The following LDLRAD2 variants were observed in gnomAD, a reference collection of about 807,000 sequenced individuals.
The protein encoded by LDLRAD2 is low-density lipoprotein receptor class A domain-containing protein 2.
Under a neutral mutation model 24.9 loss-of-function variants are expected in LDLRAD2, and 25 were observed. That is an observed-to-expected ratio of 1.00 (90% CI 0.73 to 1.40). LDLRAD2 has a LOEUF of 1.40. Among genes scored for constraint, LDLRAD2 ranks in the 40% most tolerant of loss-of-function variants. The pLI, the probability that LDLRAD2 is intolerant of heterozygous loss-of-function variation, is 0.00. For missense variants in LDLRAD2, 391 were observed against 366.2 expected (o/e 1.07, Z -0.55); for synonymous variants, 182 against 166.7 (o/e 1.09, Z -0.71).
chr1:21,816,969 G>T (rs894522877), intron 3 of LDLRAD2, among the ~76,000 whole-genome samples: 1 of 152,108 alleles, frequency 6.6e-6, no homozygotes, highest in Non-Finnish European at 1.5e-5. Flanking sequence ...ATGTATAGGC[G>T]AAATCTCAAA....
In LDLRAD2 at chr1:21,823,349, C is replaced by A. The variant is rs1407288241; in HGVS notation, c.*1134C>A. ...GGCAGGGGCGTGTGTTGGCCCCGGC[C>A]TGGGCGCGGTGCTGCAGGTCCAGGG... On this transcript the variant is annotated 3_prime_UTR_variant, in exon 5 of 5. Coordinates refer to ENST00000344642, the MANE Select transcript of LDLRAD2 (RefSeq NM_001013693.3). 2.6e-6 allele frequency: 4 copies of A among 1,543,798 alleles called. No individual in the cohort carries two copies. In the East Asian group the frequency reaches 9.7e-5, roughly 37 times the overall value.
intron 3 of LDLRAD2, among the ~76,000 whole-genome samples, chr1:21,819,831 C>G (rs1453449532): frequency 6.6e-6 from 1 of 152,162 alleles, no homozygotes; most frequent in Non-Finnish European, 1.5e-5. Flanking sequence ...AATTATCTCA[C>G]AGTTCTGCAG....
In LDLRAD2 at chr1:21,814,801, C is replaced by A. The variant is rs1178234756; in HGVS notation, c.489C>A (p.Gly163=). 6 of 1,475,872 alleles carry A rather than the reference C, an allele frequency of 4.1e-6. No individual in the cohort carries two copies. In the East Asian group the frequency reaches 1.5e-4, roughly 36 times the overall value. 91.4% of individuals were successfully genotyped at this position (1,475,872 alleles called of 1,614,324 possible). A position where few individuals can be genotyped will look rare whatever the true frequency, so the allele number is the denominator to read the frequency against. ...RGRQPRVDFV[G]EVTSFRLGPC... is the part of the protein sequence containing the mutation. ...GCCAGCCCCGCGTGGACTTCGTGGG[C>A]GAAGTCACCTCTTTCCGTCTGGGTG... Residue 163 remains glycine (G), a synonymous_variant, in exon 2 of 5, where the codon GGC becomes GGA. Coordinates refer to ENST00000344642, the MANE Select transcript of LDLRAD2 (RefSeq NM_001013693.3).
rs768796447 is a variant in LDLRAD2, at chr1:21,814,382, G to T, written c.86-16G>T. On this transcript the variant is annotated splice_polypyrimidine_tract_variant and intron_variant, in intron 1 of 4. Transcript: ENST00000344642. Reference sequence around the variant, plus strand: ...GTCGCGCCGCGCGGCTCCAGTTTCCGTGCCTTCCGCTGCAGCCGACCTGGC... The same window carrying T: ...GTCGCGCCGCGCGGCTCCAGTTTCCTTGCCTTCCGCTGCAGCCGACCTGGC... The T allele has an allele frequency of 9.5e-6, 15 of 1,570,690 alleles. 1 individual carries two copies. In the Admixed American group the frequency reaches 1.6e-4, roughly 17 times the overall value.
chr1:21,824,888 C>T lies in LDLRAD2; in HGVS notation c.*2673C>T, dbSNP rs1347471387. ...GCCAACATGCAGGACTAGGGGGCTC[C>T]GAGCCTGCAGTCCCTGGGGACCCAC... On this transcript the variant is annotated 3_prime_UTR_variant, in exon 5 of 5. Coordinates refer to ENST00000344642, the MANE Select transcript of LDLRAD2 (RefSeq NM_001013693.3). This position sits in a 1 kb window ranked among gnomAD's most constrained non-coding sequence, Gnocchi z 5.9. 21 of 1,033,152 alleles carry T rather than the reference C, an allele frequency of 2.0e-5. 1 individual carries two copies. Among genetic ancestry groups the T allele is most frequent in the South Asian group, 1.2e-4 (9 of 73,058 alleles). 64.0% of individuals were successfully genotyped at this position (1,033,152 alleles called of 1,614,324 possible). A position where few individuals can be genotyped will look rare whatever the true frequency, so the allele number is the denominator to read the frequency against.
intron 4 of LDLRAD2, 129 bp downstream of exon 4, chr1:21,821,740 G>A (rs1238590330): frequency 1.1e-5 from 17 of 1,506,706 alleles, no homozygotes; most frequent in Non-Finnish European, 1.4e-5. Context: ...AGCTCTGAGG[G>A]GTGGCGCTGG....
rs754349434 is a variant in LDLRAD2, at chr1:21,824,361, C to T, written c.*2146C>T. 136 of 1,613,736 alleles carry T rather than the reference C, an allele frequency of 8.4e-5. No individual in the cohort carries two copies. The highest frequency in any genetic ancestry group is 1.1e-4 in the Non-Finnish European group (128 of 1,180,022). ...AGGCTGATGAAGTCCTTGCCTTGGC[C>T]GGCCTCTCCCACCTCCTGCCAGGGA... On this transcript the variant is annotated 3_prime_UTR_variant, in exon 5 of 5. Coordinates refer to ENST00000344642, the MANE Select transcript of LDLRAD2 (RefSeq NM_001013693.3). The surrounding 1 kb of genome is among the most constrained non-coding windows in gnomAD (Gnocchi z 5.9).
chr1:21,813,722 A>T lies in LDLRAD2; in HGVS notation c.86-676A>T, dbSNP rs79339793. ...GGTGATTCCAGAGATGGTTAACTCA[A>T]CGGCTCAACAATGTCACTGTTCCTC... On this transcript the variant is annotated intron_variant, in intron 1 of 4. Transcript: ENST00000344642. Among the ~76,000 whole-genome samples, 1,266 of 152,296 alleles carry T rather than the reference A, an allele frequency of 8.3e-3. 14 individuals carry two copies. The highest frequency in any genetic ancestry group is 0.029 in the African/African-American group (1,202 of 41,562).
intron 2 of LDLRAD2, among the ~76,000 whole-genome samples, chr1:21,815,494 C>T (rs1190808079): frequency 6.6e-6 from 1 of 152,140 alleles, no homozygotes; most frequent in African/African-American, 2.4e-5. Context: ...TAATACTCGC[C>T]CAACTGGGCG....
Position 21,823,191 on chromosome 1 carries a change from C to T in LDLRAD2, c.*976C>T, listed in dbSNP as rs1186294653. Reference sequence around the variant, plus strand: ...TGCCCACCTCCAGTCCAGCCCAGGGCGGTAGCAGCAAAGCGTGGCATCGCC... The same window carrying T: ...TGCCCACCTCCAGTCCAGCCCAGGGTGGTAGCAGCAAAGCGTGGCATCGCC... On this transcript the variant is annotated 3_prime_UTR_variant, in exon 5 of 5. Transcript: ENST00000344642. 34 of 943,288 alleles carry T rather than the reference C, an allele frequency of 3.6e-5. No individual in the cohort carries two copies. Among genetic ancestry groups the T allele is most frequent in the Non-Finnish European group, 5.1e-5 (34 of 672,812 alleles). The allele number at this position is 943,288 out of a possible 1,614,324, so 58.4% of individuals were successfully genotyped here. A position where few individuals can be genotyped will look rare whatever the true frequency, so the allele number is the denominator to read the frequency against.
intron 2 of LDLRAD2, 117 bp from the exon 3 acceptor site, chr1:21,815,826 C>A: frequency 2.5e-6 from 3 of 1,211,210 alleles, no homozygotes; most frequent in Non-Finnish European, 3.5e-6. Context: ...CATCTGCATG[C>A]ATGAGGGCAG....
At chr1:21,817,972 G>A (rs1014594648) in intron 3 of LDLRAD2, among the ~76,000 whole-genome samples, 1 of 152,096 alleles carries the variant, frequency 6.6e-6, no homozygotes, top group Non-Finnish European at 1.5e-5. Flanking sequence ...TGCCTCCCTG[G>A]TTCAAGCGAT....
Position 21,822,217 on chromosome 1 carries a change from G to GCC in LDLRAD2, c.*4_*5dup. 6.2e-7 allele frequency: 1 copy of GCC among 1,614,058 alleles called. No individual in the cohort carries two copies. Among genetic ancestry groups the GCC allele is most frequent in the African/African-American group, 1.3e-5 (1 of 75,046 alleles). ...CCATCCACAGGCTCCACTGAGTGAA[G>GCC]CCCTCATCAAAGACTCAGGAGGCCC... is the stretch of plus-strand genomic sequence containing the variant. On this transcript the variant is annotated 3_prime_UTR_variant, in exon 5 of 5. Coordinates refer to ENST00000344642, the MANE Select transcript of LDLRAD2 (RefSeq NM_001013693.3).
At chr1:21,820,732 G>T (rs2097950251) in intron 3 of LDLRAD2, among the ~76,000 whole-genome samples, 1 of 152,170 alleles carries the variant, frequency 6.6e-6, no homozygotes, top group African/African-American at 2.4e-5. Context: ...CATGCCTGGG[G>T]GCATAGGAGA....
Position 21,821,475 on chromosome 1 carries a change from AG to A in LDLRAD2, c.671del (p.Gly224GlufsTer11). On this transcript the variant is annotated frameshift_variant, in exon 4 of 5. Coordinates refer to ENST00000344642, the MANE Select transcript of LDLRAD2 (RefSeq NM_001013693.3). LOFTEE classifies it high-confidence loss of function. The stretch of plus-strand genomic sequence containing the variant: ...GTCCCTCTCCGGTGCCCAGCCAGAC[AG>A]GAAGTACAGATGCCCATACCTCCAG... ...RGPSPVPSQTGSTDAHTSRSL... is the reference protein window; with the variant it reads ...RGPSPVPSQTXSTDAHTSRSL... 1 of 1,614,112 alleles carries A rather than the reference AG, an allele frequency of 6.2e-7. No homozygotes were observed. Among genetic ancestry groups the A allele is most frequent in the Non-Finnish European group, 8.5e-7 (1 of 1,180,002 alleles).
At chr1:21,817,188 T>C (rs1174079688) in intron 3 of LDLRAD2, among the ~76,000 whole-genome samples, 8 of 152,206 alleles carry the variant, frequency 5.3e-5, no homozygotes, top group Non-Finnish European at 1.0e-4. Context: ...ACACCTGCTC[T>C]GCCATCACCT....
In LDLRAD2 at chr1:21,824,540, A is replaced by G; in HGVS notation, c.*2325A>G. The G allele has an allele frequency of 6.2e-7, 1 of 1,612,536 alleles. No homozygotes were observed. The stretch of plus-strand genomic sequence containing the variant: ...CCAGCCGGATACCCACACTCACCAC[A>G]CCCTGCCAGAGCAGGAGGCCACTGG... On this transcript the variant is annotated 3_prime_UTR_variant, in exon 5 of 5. Coordinates refer to ENST00000344642, the MANE Select transcript of LDLRAD2 (RefSeq NM_001013693.3). The surrounding 1 kb of genome is among the most constrained non-coding windows in gnomAD (Gnocchi z 5.9).
chr1:21,815,682 C>T (rs2097943157), intron 2 of LDLRAD2, among the ~76,000 whole-genome samples: 1 of 152,130 alleles, frequency 6.6e-6, no homozygotes, highest in South Asian at 2.1e-4. Context: ...GTACTTGCCC[C>T]ATAGGGGTAT....
In LDLRAD2 at chr1:21,814,480, C is replaced by T; in HGVS notation, c.168C>T (p.Tyr56=). The change falls in exon 2 of 5, where the codon TAC becomes TAT. Residue 56 remains tyrosine (Y), a synonymous_variant. Transcript: ENST00000344642. ...LRSHAASRRF[Y]FVAPDTDCGL... Reference sequence around the variant, plus strand: ...CGCACGCCGCATCGCGCAGGTTCTACTTCGTGGCTCCGGACACCGACTGCG... The same window carrying T: ...CGCACGCCGCATCGCGCAGGTTCTATTTCGTGGCTCCGGACACCGACTGCG... 1.9e-6 allele frequency: 3 copies of T among 1,612,512 alleles called. No homozygotes were observed. The highest frequency in any genetic ancestry group is 2.5e-6 in the Non-Finnish European group (3 of 1,179,700).
Sources: gnomAD v4.1 joint callset for allele counts (sites outside exome capture counted in the v4.1 genomes callset) on GRCh38, gnomAD v4.1.1 for gene constraint, Gnocchi (gnomAD v3.1) non-coding constraint, MANE v1.5 for transcripts, NCBI Gene and HGNC (gene_info 2026-07-23, HGNC 2026-07-21) for gene names.